Variants in ANKLE2 observed in about 807,000 individuals in gnomAD.
ANKLE2 encodes the protein ankyrin repeat and LEM domain-containing protein 2.
In ANKLE2, 55 loss-of-function variants were observed where a neutral mutation model predicts 84.2. That is an observed-to-expected ratio of 0.65 (90% CI 0.53 to 0.82). The LOEUF is 0.82. Ranked by LOEUF, ANKLE2 falls within the 40% of genes least tolerant of loss-of-function variation. ANKLE2 has a pLI of 0.00. For synonymous variants in ANKLE2, 551 were observed against 486.1 expected (o/e 1.13, Z -1.76); for missense variants, 1,238 against 1,201.9 (o/e 1.03, Z -0.44).
Position 132,754,690 on chromosome 12 carries a change from C to A in ANKLE2, c.625G>T (p.Val209Phe), listed in dbSNP as rs374728589. The A allele has an allele frequency of 7.5e-6, 12 of 1,599,992 alleles. No homozygotes were observed. Among genetic ancestry groups the A allele is most frequent in the Non-Finnish European group, 1.0e-5 (12 of 1,171,636 alleles). Reference protein sequence around the residue: ...YYGVCPVYEDVPARNERIYVY... With the variant: ...YYGVCPVYEDFPARNERIYVY... ...GTCCCATTACCATTTCTCGCTGGGA[C>A]GTCCTCATACACTGGACACACCCCA... The change falls in exon 2 of 13, where the codon GTC becomes TTC. Residue 209 changes from valine (V) to phenylalanine (F), a missense_variant. By Grantham distance (50) the Val-to-Phe change is conservative. Transcript: ENST00000357997.
chr12:132,728,040 G>T lies in ANKLE2; in HGVS notation c.2607C>A (p.Asp869Glu). The change falls in exon 12 of 13, where the codon GAC (aspartate) becomes GAA (glutamate). Residue 869 changes from aspartate to glutamate, a missense_variant. Asp to Glu is a conservative substitution (Grantham distance 45). This residue lies in a region of ANKLE2 where 802 missense variants were observed against 774.5 expected (regional missense o/e 1.04). Transcript: ENST00000357997. Reference sequence around the variant, plus strand: ...GTCCGGGCCCCACATACCTCTGTCTGTCCGAGGGTGAGTAGCACAGGACAG... The same window carrying T: ...GTCCGGGCCCCACATACCTCTGTCTTTCCGAGGGTGAGTAGCACAGGACAG... ...KSAVLCYSPSDRQSWPSPAVK... is the reference protein window; with the variant it reads ...KSAVLCYSPSERQSWPSPAVK... 6.2e-7 allele frequency: 1 copy of T among 1,606,652 alleles called. No individual in the cohort carries two copies. Among genetic ancestry groups the T allele is most frequent in the Non-Finnish European group, 8.5e-7 (1 of 1,178,220 alleles).
At position 132,726,300 on chromosome 12, in the gene ANKLE2, A is replaced by G. The variant is rs1236881473; in HGVS notation, c.*942T>C. 5 of 152,768 alleles carry G rather than the reference A, an allele frequency of 3.3e-5. No homozygotes were observed. Among genetic ancestry groups the G allele is most frequent in the Non-Finnish European group, 7.3e-5 (5 of 68,230 alleles). 9.5% of individuals were successfully genotyped at this position (152,768 alleles called of 1,614,324 possible). On this transcript the variant is annotated 3_prime_UTR_variant, in exon 13 of 13. Coordinates refer to ENST00000357997, the MANE Select transcript of ANKLE2 (RefSeq NM_015114.3). ...TGAAGGCTACAGTCAGCACGGCAAG[A>G]AACCAAGATGGGACTCAAACCTCTA...
At chr12:132,748,051 T>C (rs967487993) in intron 4 of ANKLE2, 31 bp from the exon 5 acceptor site, 7 of 1,599,214 alleles carry the variant, frequency 4.4e-6, no homozygotes, top group Non-Finnish European at 4.3e-6. Context: ...CTGAGCTTCC[T>C]ATCTGATGTG....
rs879103963 is a variant in ANKLE2, at chr12:132,750,504, T to C, written c.847+139A>G. 15 of 814,128 alleles carry C rather than the reference T, an allele frequency of 1.8e-5. No homozygotes were observed. In the Admixed American group the frequency reaches 2.9e-4, roughly 16 times the overall value. The allele number at this position is 814,128 out of a possible 1,614,324, so 50.4% of individuals were successfully genotyped here. On this transcript the variant is annotated intron_variant, in intron 3 of 12. Transcript: ENST00000357997. ...AATTACACGAGCATCAGAGCCAGCA[T>C]GGCCTCCTGGTCCACTGAGACCCCA...
At position 132,736,641 on chromosome 12, in the gene ANKLE2, A is replaced by G. The variant is rs7134465; in HGVS notation, c.1593+252T>C. On this transcript the variant is annotated intron_variant, in intron 8 of 12. Transcript: ENST00000357997. ...GCACAGGACGGGGCTGGCCCAGGGA[A>G]TGTCTGCTTTGTTGAGACAGTGGCT... is the stretch of plus-strand genomic sequence containing the variant. Among the ~76,000 whole-genome samples the G allele has an allele frequency of 0.28, 42,013 of 152,162 alleles. 7,781 individuals are homozygous for G. Among genetic ancestry groups the G allele is most frequent in the African/African-American group, 0.52 (21,364 of 41,468 alleles).
intron 9 of ANKLE2, 88 bp from the exon 10 acceptor site, chr12:132,734,663 A>C (rs2043970413): frequency 7.7e-7 from 1 of 1,294,792 alleles, no homozygotes; most frequent in Non-Finnish European, 1.1e-6. Context: ...AGCTTCAAGT[A>C]CCAAAGCAAT....
intron 11 of ANKLE2, among the ~76,000 whole-genome samples, chr12:132,728,774 C>T (rs1220503200): frequency 6.6e-6 from 1 of 152,190 alleles, no homozygotes; most frequent in Non-Finnish European, 1.5e-5. Context: ...TAGCAGGATC[C>T]ACCCGCTGTT....
In ANKLE2 at chr12:132,747,880, C is replaced by T. The variant is rs1294011250; in HGVS notation, c.1182G>A (p.Lys394=). Residue 394 remains lysine (K), a synonymous_variant, in exon 5 of 13, where the codon AAG becomes AAA. Coordinates refer to ENST00000357997, the MANE Select transcript of ANKLE2 (RefSeq NM_015114.3). ...ACAGGTCCACCACGTAACGGATACG[C>T]TTCTGCAGCATGGCCTCGTCGTCAT... ...YPDDDEAMLQ[K]RIRYVVDLYL... is the part of the protein sequence containing the mutation. The T allele has an allele frequency of 1.9e-6, 3 of 1,611,858 alleles. No homozygotes were observed. The highest frequency in any genetic ancestry group is 8.5e-7 in the Non-Finnish European group (1 of 1,179,544).
At chr12:132,750,492 T>C in intron 3 of ANKLE2, 151 bp downstream of exon 3, 1 of 740,834 alleles carries the variant, frequency 1.3e-6, no homozygotes, top group Non-Finnish European at 2.2e-6. Context: ...TACACGAGCA[T>C]CAGAGCCAGC....
At position 132,748,262 on chromosome 12, in the gene ANKLE2, G is replaced by A. The variant is rs369555821; in HGVS notation, c.917C>T (p.Thr306Met). The part of the protein sequence containing the change: ...ERANSYKNPR[T>M]QDLTAKLRKA... ...CCGAAGCTTGGCGGTGAGGTCCTGC[G>A]TGCGGGGATTTTTGTAACTGTTCGC... Residue 306 changes from threonine to methionine, a missense_variant, in exon 4 of 13, where the codon ACG becomes ATG. Thr to Met is a moderately conservative substitution (Grantham distance 81). Around this residue, in one of 3 missense-constraint regions of ANKLE2, gnomAD observed 422 missense variants for 394.5 expected, o/e 1.07. Coordinates refer to ENST00000357997, the MANE Select transcript of ANKLE2 (RefSeq NM_015114.3). The A allele has an allele frequency of 1.4e-5, 23 of 1,614,074 alleles. No homozygotes were observed. Among genetic ancestry groups the A allele is most frequent in the African/African-American group, 1.1e-4 (8 of 74,912 alleles).
chr12:132,745,887 C>G (rs1424298842), intron 5 of ANKLE2, among the ~76,000 whole-genome samples: 1 of 152,258 alleles, frequency 6.6e-6, no homozygotes, highest in Admixed American at 6.5e-5. Context: ...TGCCCATCCA[C>G]AAGGAGACGT....
chr12:132,752,876 G>C (rs951310625), intron 2 of ANKLE2, among the ~76,000 whole-genome samples: 6 of 151,874 alleles, frequency 4.0e-5, no homozygotes, highest in Admixed American at 1.3e-4. Context: ...ACAATTCTTG[G>C]GCTGGGCACA....
chr12:132,756,472 C>T (rs1392858540), intron 1 of ANKLE2: 1 of 152,050 alleles, frequency 6.6e-6, no homozygotes, highest in East Asian at 1.9e-4. Context: ...GTGGATGCCA[C>T]CACGAGCTGA....
At chr12:132,741,604 G>T in intron 6 of ANKLE2, 119 bp from the exon 7 acceptor site, 1 of 970,936 alleles carries the variant, frequency 1.0e-6, no homozygotes, top group Non-Finnish European at 1.6e-6. Flanking sequence ...TAATGCTAAA[G>T]ATTTAATAAA....
At chr12:132,761,469 T>A (rs894556535) in intron 1 of ANKLE2, 149 bp downstream of exon 1, 9 of 661,690 alleles carry the variant, frequency 1.4e-5, no homozygotes, top group African/African-American at 1.1e-4. Context: ...GCGGCCGGAA[T>A]GGCCTTTCCC....
At chr12:132,727,476 G>T (rs1027828296) in intron 12 of ANKLE2, 33 bp from the exon 13 acceptor site, 25 of 1,546,238 alleles carry the variant, frequency 1.6e-5, no homozygotes, top group Non-Finnish European at 1.9e-5. Flanking sequence ...GTTAGCAGAC[G>T]GGCACAGGCC....
chr12:132,729,652 T>C (rs781019798), intron 11 of ANKLE2, 27 bp downstream of exon 11: 1 of 1,257,406 alleles, frequency 8.0e-7, no homozygotes, highest in South Asian at 1.6e-5. Context: ...GGAAGGAAAG[T>C]GAGTGCAGAG....
At chr12:132,729,021 G>C (rs2043767206) in intron 11 of ANKLE2, among the ~76,000 whole-genome samples, 2 of 152,076 alleles carry the variant, frequency 1.3e-5, no homozygotes, top group Non-Finnish European at 2.9e-5. Flanking sequence ...GCTGGACTCA[G>C]AGACAGGAAC....
chr12:132,760,027 G>C (rs528938948), intron 1 of ANKLE2: 2 of 151,808 alleles, frequency 1.3e-5, no homozygotes, highest in African/African-American at 2.4e-5. Context: ...CCAGCTACTC[G>C]GGAGGCTGAT....
Sources: gnomAD v4.1 joint callset for allele counts (sites outside exome capture counted in the v4.1 genomes callset) on GRCh38, gnomAD v4.1.1 for gene constraint, gnomAD v4.1.1 regional missense constraint, MANE v1.5 for transcripts, NCBI Gene and HGNC (gene_info 2026-07-23, HGNC 2026-07-21) for gene names.